The following CUL2 variants were observed in gnomAD, a reference collection of about 807,000 sequenced individuals.
The protein encoded by CUL2 is cullin-2.
In CUL2, 22 loss-of-function variants were observed where a neutral mutation model predicts 110.2. The ratio of observed to expected loss-of-function variants is 0.20; its 90% CI spans 0.14 to 0.28. CUL2 has a LOEUF of 0.28. CUL2 is among the 10% of genes least tolerant of loss of function. CUL2 has a pLI of 1.00. For synonymous variants in CUL2, 279 were observed against 293.2 expected, an observed-to-expected ratio of 0.95 and a Z score of 0.49; for missense variants, 631 against 905.5, an observed-to-expected ratio of 0.70 and a Z score of 3.89.
chr10:35,088,650 T>C (rs1333624761), intron 1 of CUL2, among the ~76,000 whole-genome samples: 1 of 151,914 alleles, frequency 6.6e-6, no homozygotes, highest in African/African-American at 2.4e-5. Flanking sequence ...AGAAGGTCCA[T>C]AACGTTTAAT....
intron 10 of CUL2, among the ~76,000 whole-genome samples, chr10:35,034,146 T>C (rs4934702): frequency 0.33 from 50,753 of 152,056 alleles, 8,532 homozygotes; most frequent in South Asian, 0.35. Context: ...ACTAAGTCAG[T>C]TGGATTTGAG....
Position 35,113,154 on chromosome 10 carries a change from G to A in CUL2, c.-50-12094C>T, listed in dbSNP as rs1348437880. Among the ~76,000 whole-genome samples, 106 of 121,092 alleles carry A rather than the reference G, an allele frequency of 8.8e-4. 1 individual carries two copies. The highest frequency in any genetic ancestry group is 4.8e-5 in the Non-Finnish European group (3 of 62,132). The allele number at this position is 121,092 out of a possible 152,430, so 79.4% of individuals were successfully genotyped here. On this transcript the variant is annotated intron_variant, in intron 1 of 5. Transcript: ENST00000685421. ...GCTGAGACCGAGCCACTGCACTCAA[G>A]CCTGGAGACAGAGCAAGACTCCATC...
At chr10:35,080,920 G>A (rs2086932373) in intron 1 of CUL2, among the ~76,000 whole-genome samples, 1 of 152,086 alleles carries the variant, frequency 6.6e-6, no homozygotes, top group African/African-American at 2.4e-5. Context: ...ATAAGTTACA[G>A]AAGCCATTTG....
chr10:35,105,394 C>A (rs1269289094), intron 1 of CUL2, among the ~76,000 whole-genome samples: 1 of 150,330 alleles, frequency 6.7e-6, no homozygotes, highest in Admixed American at 6.7e-5. Context: ...CCACTGCACT[C>A]CAGCCTGGGC....
At chr10:35,097,971 T>C (rs907852907) in intron 2 of CUL2, 6 of 151,744 alleles carry the variant, frequency 4.0e-5, no homozygotes, top group Non-Finnish European at 8.8e-5. Context: ...AAAAATTAAT[T>C]AATTAAATAA....
chr10:35,088,930 C>T (rs1345895793), intron 1 of CUL2, among the ~76,000 whole-genome samples: 1 of 152,192 alleles, frequency 6.6e-6, no homozygotes, highest in African/African-American at 2.4e-5. Flanking sequence ...AATCCCAGCA[C>T]TTTGGGAGGC....
rs116854281 is a variant in CUL2 at position 35,113,052 on chromosome 10, C to T, written c.-50-11992G>A. On this transcript the variant is annotated intron_variant, in intron 1 of 5. Coordinates refer to the CUL2 transcript ENST00000685421. ...ACTAAAAATACAAAAATTGGCTGGC[C>T]GGCATGTGTAATCTCAGCTACTCTG... 8.9e-3 allele frequency among the ~76,000 whole-genome samples: 1,346 copies of T among 150,956 alleles called. 11 individuals carry two copies. The highest frequency in any genetic ancestry group is 0.014 in the Middle Eastern group (4 of 290).
At chr10:35,081,282 C>T (rs2086942019) in intron 1 of CUL2, among the ~76,000 whole-genome samples, 1 of 152,148 alleles carries the variant, frequency 6.6e-6, no homozygotes, top group South Asian at 2.1e-4. Flanking sequence ...ATAAAAGACC[C>T]CTCTCTGCAA....
intron 2 of CUL2, among the ~76,000 whole-genome samples, chr10:35,070,022 T>A (rs1316004194): frequency 6.6e-6 from 1 of 152,202 alleles, no homozygotes; most frequent in African/African-American, 2.4e-5. Flanking sequence ...GGAAATTGGA[T>A]CTTTAAGATA....
intron 1 of CUL2, among the ~76,000 whole-genome samples, chr10:35,103,425 C>T (rs1006223853): frequency 4.8e-5 from 7 of 146,822 alleles, no homozygotes; most frequent in East Asian, 2.1e-4. Context: ...CCCGGGTTCA[C>T]GCCATTCTCC....
intron 1 of CUL2, among the ~76,000 whole-genome samples, chr10:35,121,801 C>A (rs2087680953): frequency 6.8e-6 from 1 of 147,470 alleles, no homozygotes. Flanking sequence ...CAGAGTAAGA[C>A]CCTGTCTCAA....
At chr10:35,078,679 G>A (rs2086880073) in intron 1 of CUL2, among the ~76,000 whole-genome samples, 1 of 152,090 alleles carries the variant, frequency 6.6e-6, no homozygotes, top group African/African-American at 2.4e-5. Flanking sequence ...AATTTCAGCA[G>A]GTAAAAGTTA....
At chr10:35,035,084 T>C in intron 10 of CUL2, 88 bp downstream of exon 10, 1 of 1,477,894 alleles carries the variant, frequency 6.8e-7, no homozygotes. Context: ...GACTTTTTCT[T>C]TCATCTTTCA....
At chr10:35,112,854 T>A (rs1337241422) in intron 1 of CUL2, among the ~76,000 whole-genome samples, 3 of 152,056 alleles carry the variant, frequency 2.0e-5, no homozygotes, top group African/African-American at 7.2e-5. Flanking sequence ...TAAAATAAAA[T>A]TTTAAAAGGA....
intron 1 of CUL2, among the ~76,000 whole-genome samples, chr10:35,103,308 A>ATTTTTTTTTTTTTTTTTT (rs67257350): frequency 3.2e-5 from 3 of 94,546 alleles, no homozygotes; most frequent in African/African-American, 7.4e-5. Flanking sequence ...GGCCAAGCTA[A>ATTTTTTTTTTTTTTTTTT]TTTTTTTTTT....
chr10:35,058,477 T>C (rs969410957), intron 4 of CUL2, among the ~76,000 whole-genome samples: 13 of 152,166 alleles, frequency 8.5e-5, no homozygotes, highest in Non-Finnish European at 1.5e-5. Context: ...GACAGGTCCA[T>C]TGTAACTCCA....
intron 2 of CUL2, among the ~76,000 whole-genome samples, chr10:35,067,334 T>A (rs924412804): frequency 1.3e-5 from 2 of 152,286 alleles, no homozygotes; most frequent in Non-Finnish European, 2.9e-5. Context: ...TACATTATGC[T>A]GCTGGAGTCT....
rs1588970667 is a variant in CUL2 at position 35,031,857 on chromosome 10, G to C, written c.1171-238C>G. On this transcript the variant is annotated intron_variant, in intron 12 of 20. Coordinates refer to ENST00000374749, the MANE Select transcript of CUL2 (RefSeq NM_003591.4). The surrounding 1 kb of genome is among the most constrained non-coding windows in gnomAD (Gnocchi z 4.4). The stretch of plus-strand genomic sequence containing the variant: ...CTGCCTCAGCCTCCCAAGTAGTTGG[G>C]ACTACAGGCATGCACAACCACACCA... Among the ~76,000 whole-genome samples the C allele has an allele frequency of 6.6e-6, 1 of 152,120 alleles. No homozygotes were observed. Among genetic ancestry groups the C allele is most frequent in the Admixed American group, 6.5e-5 (1 of 15,274 alleles).
At chr10:35,038,291 T>A (rs1027582152) in intron 9 of CUL2, among the ~76,000 whole-genome samples, 2 of 151,834 alleles carry the variant, frequency 1.3e-5, no homozygotes, top group African/African-American at 2.4e-5. Flanking sequence ...TTTGGGAGGC[T>A]GAGGCGGGCG....
Sources: allele counts gnomAD v4.1 joint callset (sites outside exome capture counted in the v4.1 genomes callset), GRCh38; gene constraint gnomAD v4.1.1; non-coding constraint Gnocchi (gnomAD v3.1); transcripts MANE v1.5; gene names NCBI Gene and HGNC (gene_info 2026-07-23, HGNC 2026-07-21).